ACYP2: variants seen among roughly 807,000 people sequenced by gnomAD.
The protein encoded by ACYP2 is acylphosphatase 2.
Under a neutral mutation model 11.2 loss-of-function variants are expected in ACYP2, and 12 were observed. The ratio of observed to expected loss-of-function variants is 1.08; its 90% CI spans 0.69 to 1.74. The LOEUF (loss-of-function observed/expected upper bound fraction) is 1.74. Ranked by LOEUF, ACYP2 falls within the 40% of genes most tolerant of loss-of-function variation. ACYP2 has a pLI of 0.00. For missense variants in ACYP2, 134 were observed against 101.9 expected, an observed-to-expected ratio of 1.31 and a Z score of -1.35; for synonymous variants, 43 against 32.2, an observed-to-expected ratio of 1.33 and a Z score of -1.13.
At chr2:54,225,789 T>C (rs1353973542) in intron 6 of ACYP2, among the ~76,000 whole-genome samples, 3 of 129,658 alleles carry the variant, frequency 2.3e-5, no homozygotes, top group Non-Finnish European at 5.1e-5. Context: ...ACCTTAAGTA[T>C]TTTTTTTTTA....
At chr2:54,180,814 G>A (rs1457759475) in intron 6 of ACYP2, among the ~76,000 whole-genome samples, 2 of 152,022 alleles carry the variant, frequency 1.3e-5, no homozygotes, top group African/African-American at 2.4e-5. Flanking sequence ...CTCAGCCTCC[G>A]AAAATTCTGA....
intron 3 of ACYP2, among the ~76,000 whole-genome samples, chr2:54,055,970 C>A (rs987275863): frequency 6.6e-6 from 1 of 152,110 alleles, no homozygotes; most frequent in Non-Finnish European, 1.5e-5. Context: ...CATAGGCATA[C>A]TGTAAATAGA....
At chr2:54,239,589 A>G (rs1424794114) in intron 6 of ACYP2, among the ~76,000 whole-genome samples, 1 of 152,174 alleles carries the variant, frequency 6.6e-6, no homozygotes, top group Non-Finnish European at 1.5e-5. Flanking sequence ...GAGCCAGAGG[A>G]GTATTTGAGG....
intron 4 of ACYP2, among the ~76,000 whole-genome samples, chr2:54,074,969 T>C (rs1677252412): frequency 6.6e-6 from 1 of 152,338 alleles, no homozygotes; most frequent in African/African-American, 2.4e-5. Flanking sequence ...CTTGATCATG[T>C]ATCTGGGCAC....
At chr2:54,015,297 A>C (rs1156263329) in intron 2 of ACYP2, among the ~76,000 whole-genome samples, 3 of 145,470 alleles carry the variant, frequency 2.1e-5, no homozygotes, top group African/African-American at 7.7e-5. Context: ...AGATCATGTG[A>C]GGACGGGAGT....
intron 4 of ACYP2, among the ~76,000 whole-genome samples, chr2:54,075,139 A>G (rs1677260690): frequency 6.6e-6 from 1 of 152,210 alleles, no homozygotes; most frequent in South Asian, 2.1e-4. Flanking sequence ...TAAAAGTTCA[A>G]CGGACGGTGT....
intron 6 of ACYP2, among the ~76,000 whole-genome samples, chr2:54,161,751 T>C (rs1268317384): frequency 6.6e-6 from 1 of 152,232 alleles, no homozygotes; most frequent in Non-Finnish European, 1.5e-5. Flanking sequence ...TTATCCTTTT[T>C]GTAAATATTT....
intron 6 of ACYP2, chr2:54,255,992 G>A: frequency 6.2e-7 from 1 of 1,614,192 alleles, no homozygotes; most frequent in East Asian, 2.2e-5. Context: ...TCCTCTGGAA[G>A]CCGGGGCGGT....
chr2:54,300,191 T>C (rs1689669356), intron 6 of ACYP2, among the ~76,000 whole-genome samples: 1 of 152,228 alleles, frequency 6.6e-6, no homozygotes, highest in South Asian at 2.1e-4. Flanking sequence ...ATCCTGTTTC[T>C]TCTGACAGCT....
At chr2:54,133,985 T>C (rs1681076943) in intron 4 of ACYP2, among the ~76,000 whole-genome samples, 1 of 152,164 alleles carries the variant, frequency 6.6e-6, no homozygotes, top group Non-Finnish European at 1.5e-5. Flanking sequence ...AGTTGGCCAA[T>C]ATAGAACAGC....
chr2:54,272,563 T>C (rs1406390471), intron 6 of ACYP2, among the ~76,000 whole-genome samples: 5 of 152,216 alleles, frequency 3.3e-5, no homozygotes, highest in Non-Finnish European at 1.5e-5. Context: ...ATCTTAGAAA[T>C]AGCAAACGAT....
intron 4 of ACYP2, among the ~76,000 whole-genome samples, chr2:54,119,095 A>G (rs1304767217): frequency 5.4e-5 from 5 of 91,976 alleles, no homozygotes; most frequent in African/African-American, 2.2e-4. Flanking sequence ...ACAGGGTCTC[A>G]TTATGTCACC....
intron 6 of ACYP2, among the ~76,000 whole-genome samples, chr2:54,238,491 C>A (rs1031675543): frequency 6.6e-6 from 1 of 152,088 alleles, no homozygotes. Flanking sequence ...CTAAGTAAGT[C>A]TTTTAATTTG....
intron 6 of ACYP2, among the ~76,000 whole-genome samples, chr2:54,257,639 C>T (rs1204439768): frequency 6.6e-6 from 1 of 152,024 alleles, no homozygotes; most frequent in Non-Finnish European, 1.5e-5. Flanking sequence ...TAAGACAATA[C>T]AGAGCATTAA....
At chr2:54,198,105 G>A (rs1350852166) in intron 6 of ACYP2, among the ~76,000 whole-genome samples, 4 of 151,572 alleles carry the variant, frequency 2.6e-5, no homozygotes, top group Admixed American at 2.6e-4. Context: ...CTGCAACCTT[G>A]GGCTCCCGGG....
intron 2 of ACYP2, among the ~76,000 whole-genome samples, chr2:54,030,867 C>A (rs1252149973): frequency 6.6e-6 from 1 of 152,088 alleles, no homozygotes; most frequent in South Asian, 2.1e-4. Context: ...GAAATATAAA[C>A]AAGTTCACCC....
Position 54,057,383 on chromosome 2 carries a change from G to T in ACYP2, c.277+23G>T, listed in dbSNP as rs141912964. 3 of 397,280 alleles carry T rather than the reference G, an allele frequency of 7.6e-6. No individual in the cohort carries two copies. In the South Asian group the frequency reaches 3.9e-4, roughly 51 times the overall value. 24.6% of individuals were successfully genotyped at this position (397,280 alleles called of 1,614,324 possible). On this transcript the variant is annotated intron_variant, in intron 4 of 6. Transcript: ENST00000607452. The stretch of plus-strand genomic sequence containing the variant: ...TAAGTAAGTCTTCAAAATAAATACT[G>T]ATTTTAATGAATATCTACCTTTTAC...
intron 2 of ACYP2, among the ~76,000 whole-genome samples, chr2:54,037,485 A>G (rs1356697034): frequency 6.6e-6 from 1 of 152,088 alleles, no homozygotes; most frequent in Non-Finnish European, 1.5e-5. Context: ...ATCACGGCCC[A>G]CTGCAGCCTC....
Position 54,043,917 on chromosome 2 carries a change from A to G in ACYP2, c.63-7041A>G, listed in dbSNP as rs191732353. Among the ~76,000 whole-genome samples, 6 of 152,326 alleles carry G rather than the reference A, an allele frequency of 3.9e-5. No individual in the cohort carries two copies. The East Asian group carries it at 7.7e-4, about 20-fold the overall frequency. ...AATTAGGAGGAAACTAAAAACAGGA[A>G]CTACCCACATTTTTTAGGGAAAAGG... On this transcript the variant is annotated intron_variant, in intron 2 of 6. Transcript: ENST00000607452.
Sources: gnomAD v4.1 joint callset for allele counts (sites outside exome capture counted in the v4.1 genomes callset) on GRCh38, gnomAD v4.1.1 for gene constraint, MANE v1.5 for transcripts, NCBI Gene and HGNC (gene_info 2026-07-23, HGNC 2026-07-21) for gene names.